Variants in SENP6 observed in about 807,000 individuals in gnomAD.
The protein encoded by SENP6 is SUMO specific peptidase 6.
A neutral mutation model predicts 134.5 loss-of-function variants in SENP6; 41 were observed. The observed-to-expected ratio is 0.30, with a 90% confidence interval of 0.24 to 0.40. The LOEUF (loss-of-function observed/expected upper bound fraction) is 0.40, where lower values mean the gene tolerates loss of function less well. Ranked by LOEUF, SENP6 falls within the 10% of genes least tolerant of loss-of-function variation. The probability of loss-of-function intolerance (pLI) is 1.00; values close to 1 mark genes in which losing one functional copy is unlikely to be tolerated. For synonymous variants in SENP6, 395 were observed against 429.8 expected (o/e 0.92, Z 1.00); for missense variants, 1,248 against 1,312.5 (o/e 0.95, Z 0.76).
chr6:75,602,841 G>C (rs1325006616), intron 1 of SENP6, among the ~76,000 whole-genome samples: 1 of 152,210 alleles, frequency 6.6e-6, no homozygotes, highest in Non-Finnish European at 1.5e-5. Flanking sequence ...TCCTTTGAGA[G>C]TGCGCGCTGA....
chr6:75,644,478 T>TC (rs1373374930), intron 6 of SENP6, among the ~76,000 whole-genome samples: 16 of 150,728 alleles, frequency 1.1e-4, no homozygotes, highest in African/African-American at 3.2e-4. Context: ...TTTCTTTCTT[T>TC]TTTTTTTTTT....
intron 16 of SENP6, among the ~76,000 whole-genome samples, chr6:75,686,733 C>A (rs1201416066): frequency 6.6e-6 from 1 of 152,204 alleles, no homozygotes; most frequent in Non-Finnish European, 1.5e-5. Flanking sequence ...CCCCCACTCT[C>A]TTCTGGCTTG....
At chr6:75,702,438 G>A (rs1315627912) in intron 18 of SENP6, among the ~76,000 whole-genome samples, 3 of 151,888 alleles carry the variant, frequency 2.0e-5, no homozygotes, top group South Asian at 2.1e-4. Context: ...GGCTGGTCTC[G>A]AACTGCTGAC....
intron 7 of SENP6, among the ~76,000 whole-genome samples, chr6:75,652,694 A>AAAAAG (rs1770978522): frequency 6.7e-6 from 1 of 150,052 alleles, no homozygotes; most frequent in Non-Finnish European, 1.5e-5. Flanking sequence ...AAAAAAAAAA[A>AAAAAG]AAAAAAAAAG....
At chr6:75,648,490 A>G (rs1251815033) in intron 7 of SENP6, among the ~76,000 whole-genome samples, 2 of 152,182 alleles carry the variant, frequency 1.3e-5, no homozygotes, top group Non-Finnish European at 2.9e-5. Context: ...CTGATAGCTT[A>G]GAATGTGCTT....
chr6:75,661,831 C>T (rs1467987655), intron 8 of SENP6, among the ~76,000 whole-genome samples: 1 of 152,084 alleles, frequency 6.6e-6, no homozygotes, highest in Non-Finnish European at 1.5e-5. Flanking sequence ...GGTGGTGGAT[C>T]ACCTGAGGTC....
chr6:75,713,110 G>A (rs549378247), intron 21 of SENP6, among the ~76,000 whole-genome samples: 1 of 151,882 alleles, frequency 6.6e-6, no homozygotes, highest in Non-Finnish European at 1.5e-5. Flanking sequence ...AAAAAAATGG[G>A]CCGAGGTTGG....
At chr6:75,638,300 C>G (rs1466991842) in intron 5 of SENP6, among the ~76,000 whole-genome samples, 1 of 137,062 alleles carries the variant, frequency 7.3e-6, no homozygotes, top group African/African-American at 2.7e-5. Flanking sequence ...GGTAATTTTT[C>G]TTTTCTATAT....
At chr6:75,702,048 T>G (rs1223575601) in intron 18 of SENP6, among the ~76,000 whole-genome samples, 1 of 137,534 alleles carries the variant, frequency 7.3e-6, no homozygotes, top group East Asian at 2.1e-4. Context: ...AAGCAATGAA[T>G]TTTTCATTCC....
rs1775993546 is a variant in SENP6 at position 75,715,777 on chromosome 6, G to A, written c.*183G>A. On this transcript the variant is annotated 3_prime_UTR_variant, in exon 24 of 24. Transcript: ENST00000447266. ...AGTAAAAGTCTGTAAATATGTTAAT[G>A]AGGCCAATTTTTCCAGCATTTATAA... 1.0e-5 allele frequency: 4 copies of A among 396,212 alleles called. No homozygotes were observed. In the East Asian group the frequency reaches 1.5e-4, roughly 15 times the overall value. 24.5% of individuals were successfully genotyped at this position (396,212 alleles called of 1,614,324 possible).
At chr6:75,617,112 A>T (rs540474109) in intron 1 of SENP6, among the ~76,000 whole-genome samples, 1 of 151,674 alleles carries the variant, frequency 6.6e-6, no homozygotes, top group African/African-American at 2.4e-5. Flanking sequence ...CTCCTGGGCT[A>T]AAGTGATCTG....
At chr6:75,670,433 G>A (rs990669233) in intron 10 of SENP6, 120 bp from the exon 11 acceptor site, 13 of 629,428 alleles carry the variant, frequency 2.1e-5, no homozygotes, top group African/African-American at 1.6e-4. Context: ...CTGTTGAAGG[G>A]AAATCCATTT....
intron 7 of SENP6, among the ~76,000 whole-genome samples, chr6:75,648,622 G>T (rs1189684985): frequency 6.6e-6 from 1 of 152,028 alleles, no homozygotes; most frequent in Non-Finnish European, 1.5e-5. Context: ...ATAATGAACA[G>T]TCTTTATAGA....
At chr6:75,626,999 C>G (rs1027502979) in intron 3 of SENP6, among the ~76,000 whole-genome samples, 1 of 151,944 alleles carries the variant, frequency 6.6e-6, no homozygotes, top group African/African-American at 2.4e-5. Context: ...GAGTCTCACT[C>G]TGTTGCCCAG....
chr6:75,675,091 G>A (rs1441871643), intron 11 of SENP6, among the ~76,000 whole-genome samples: 2 of 151,976 alleles, frequency 1.3e-5, no homozygotes, highest in Non-Finnish European at 2.9e-5. Flanking sequence ...GACCTTCAGT[G>A]ATGGGAAACC....
intron 9 of SENP6, among the ~76,000 whole-genome samples, chr6:75,664,307 T>A (rs2149866344): frequency 6.6e-6 from 1 of 152,074 alleles, no homozygotes; most frequent in Non-Finnish European, 1.5e-5. Flanking sequence ...CACTAGGCTT[T>A]CCTTTTAATA....
At chr6:75,607,724 A>G (rs920247708) in intron 1 of SENP6, among the ~76,000 whole-genome samples, 6 of 152,210 alleles carry the variant, frequency 3.9e-5, no homozygotes, top group Non-Finnish European at 5.9e-5. Context: ...GAGTGATGCT[A>G]AACTGTTGCA....
At position 75,715,657 on chromosome 6, in the gene SENP6, A is replaced by T. The variant is rs276681; in HGVS notation, c.*63A>T. 3.5e-3 allele frequency: 4,323 copies of T among 1,236,786 alleles called. 116 individuals are homozygous for T. In the African/African-American group the frequency reaches 0.055, roughly 16 times the overall value. The allele number at this position is 1,236,786 out of a possible 1,614,324, so 76.6% of individuals were successfully genotyped here. A position where few individuals can be genotyped will look rare whatever the true frequency, so the allele number is the denominator to read the frequency against. On this transcript the variant is annotated 3_prime_UTR_variant, in exon 24 of 24. Coordinates refer to ENST00000447266, the MANE Select transcript of SENP6 (RefSeq NM_015571.4). The stretch of plus-strand genomic sequence containing the variant: ...AAATGACTTTCAAATTTGGGTATAG[A>T]CAATAAAGAACTGAAGTGCTCACTA...
Position 75,670,732 on chromosome 6 carries a change from T to G in SENP6, c.1392+12T>G. The G allele has an allele frequency of 6.4e-7, 1 of 1,570,668 alleles. No individual in the cohort carries two copies. Among genetic ancestry groups the G allele is most frequent in the Non-Finnish European group, 8.7e-7 (1 of 1,151,612 alleles). ...TAGAGCCTGTAATTGTAAGTACATC[T>G]TAAGCTCTTTACTATACCAATTATA... On this transcript the variant is annotated intron_variant, in intron 11 of 23. Coordinates refer to ENST00000447266, the MANE Select transcript of SENP6 (RefSeq NM_015571.4).
Sources: allele counts gnomAD v4.1 joint callset (sites outside exome capture counted in the v4.1 genomes callset), GRCh38; gene constraint gnomAD v4.1.1; transcripts MANE v1.5; gene names NCBI Gene and HGNC (gene_info 2026-07-23, HGNC 2026-07-21).